The following PCDH15 variants were observed in gnomAD, a reference collection of about 807,000 sequenced individuals.
PCDH15 encodes protocadherin-15.
PCDH15 carries 129 observed loss-of-function variants against 178.5 expected under a neutral mutation model. The ratio of observed to expected loss-of-function variants is 0.72; its 90% CI spans 0.63 to 0.84. The LOEUF (loss-of-function observed/expected upper bound fraction) is 0.84, where lower values mean the gene tolerates loss of function less well. Ranked by LOEUF, PCDH15 falls within the 40% of genes least tolerant of loss-of-function variation. The pLI, the probability that PCDH15 is intolerant of heterozygous loss-of-function variation, is 0.00. For missense variants in PCDH15, 2,230 were observed against 2,099.9 expected (o/e 1.06, Z -1.21); for synonymous variants, 800 against 732.0 (o/e 1.09, Z -1.50).
intron 2 of PCDH15, among the ~76,000 whole-genome samples, chr10:55,036,050 A>G (rs1196753035): frequency 2.6e-5 from 4 of 152,176 alleles, no homozygotes; most frequent in Non-Finnish European, 5.9e-5. Context: ...ATTGAGAGGT[A>G]GAGACTAATG....
chr10:55,152,093 T>C (rs975672807), intron 2 of PCDH15, among the ~76,000 whole-genome samples: 11 of 152,092 alleles, frequency 7.2e-5, no homozygotes, highest in Non-Finnish European at 1.3e-4. Context: ...TATTAGGTTT[T>C]CTTACAATTA....
At chr10:54,697,722 A>AG (rs1487461387) in intron 1 of PCDH15, among the ~76,000 whole-genome samples, 2 of 146,428 alleles carry the variant, frequency 1.4e-5, no homozygotes, top group Non-Finnish European at 3.0e-5. Flanking sequence ...GAAGGGAGGA[A>AG]GGAAGTAAGG....
chr10:55,188,063 G>C (rs1310255299), intron 1 of PCDH15, among the ~76,000 whole-genome samples: 1 of 151,858 alleles, frequency 6.6e-6, no homozygotes, highest in Non-Finnish European at 1.5e-5. Context: ...TACAGGACTT[G>C]GGCTATAACT....
chr10:55,430,977 G>T (rs1838868211), intron 2 of PCDH15, among the ~76,000 whole-genome samples: 1 of 152,094 alleles, frequency 6.6e-6, no homozygotes, highest in South Asian at 2.1e-4. Flanking sequence ...TCTACCTCAG[G>T]ATTAGGCATC....
At chr10:55,159,809 A>T (rs1002465965) in intron 2 of PCDH15, among the ~76,000 whole-genome samples, 31 of 148,900 alleles carry the variant, frequency 2.1e-4, no homozygotes, top group Admixed American at 8.8e-4. Flanking sequence ...TATAATATAT[A>T]TAAAACATAT....
chr10:54,190,805 T>G (rs2133869901), intron 11 of PCDH15, among the ~76,000 whole-genome samples: 1 of 152,302 alleles, frequency 6.6e-6, no homozygotes, highest in East Asian at 1.9e-4. Context: ...ATCCCAGAAA[T>G]GAACTAATTT....
At chr10:55,172,442 G>A (rs1341150801) in intron 1 of PCDH15, among the ~76,000 whole-genome samples, 1 of 148,828 alleles carries the variant, frequency 6.7e-6, no homozygotes, top group African/African-American at 2.5e-5. Context: ...ACAGTGTTTT[G>A]TTCAAAACTA....
At chr10:54,679,990 T>A (rs1446307575) in intron 1 of PCDH15, among the ~76,000 whole-genome samples, 1 of 152,226 alleles carries the variant, frequency 6.6e-6, no homozygotes, top group Non-Finnish European at 1.5e-5. Context: ...TATATTAACA[T>A]ATGTGTATTA....
chr10:54,812,367 T>G lies in PCDH15; in HGVS notation c.-29+85083A>C, dbSNP rs531871247. On this transcript the variant is annotated intron_variant, in intron 3 of 5. Coordinates refer to the PCDH15 transcript ENST00000458638. Reference sequence around the variant, plus strand: ...CTCATTGCAACCTCTGCCTCCTGGGTTCAAGCGATTCTCCTGCCTCAGCCT... The same window carrying G: ...CTCATTGCAACCTCTGCCTCCTGGGGTCAAGCGATTCTCCTGCCTCAGCCT... 3.7e-3 allele frequency among the ~76,000 whole-genome samples: 554 copies of G among 150,760 alleles called. 1 individual carries two copies. Among genetic ancestry groups the G allele is most frequent in the African/African-American group, 0.013 (533 of 40,958 alleles).
intron 3 of PCDH15, among the ~76,000 whole-genome samples, chr10:54,488,412 G>A (rs1489237366): frequency 6.6e-6 from 1 of 151,346 alleles, no homozygotes; most frequent in Non-Finnish European, 1.5e-5. Context: ...TTAGGGCCGT[G>A]TTTGAAAATG....
intron 8 of PCDH15, among the ~76,000 whole-genome samples, chr10:54,305,796 C>T (rs2060431296): frequency 6.6e-6 from 1 of 151,366 alleles, no homozygotes; most frequent in Non-Finnish European, 1.5e-5. Context: ...CTAAAGGAGC[C>T]AGCCATAGGA....
In PCDH15 at chr10:54,738,333, T is replaced by C. The variant is rs181013649; in HGVS notation, c.-29+62592A>G. Among the ~76,000 whole-genome samples the C allele has an allele frequency of 3.3e-3, 500 of 152,172 alleles. 4 individuals are homozygous for C. The highest frequency in any genetic ancestry group is 0.012 in the African/African-American group (487 of 41,534). ...TAAACAGAGATATGGAAATAAATAG[T>C]TTCCAAAAGACACATCTAGCATAAT... On this transcript the variant is annotated intron_variant, in intron 1 of 37. Coordinates refer to ENST00000644397, the MANE Select transcript of PCDH15 (RefSeq NM_001384140.1).
intron 3 of PCDH15, among the ~76,000 whole-genome samples, chr10:54,493,871 T>C (rs937979654): frequency 3.3e-5 from 5 of 151,920 alleles, no homozygotes; most frequent in Non-Finnish European, 5.9e-5. Flanking sequence ...ATTAAGAAAA[T>C]GTGGCACATA....
intron 25 of PCDH15, among the ~76,000 whole-genome samples, chr10:53,924,624 T>C (rs569199373): frequency 1.3e-5 from 2 of 152,334 alleles, no homozygotes; most frequent in East Asian, 3.9e-4. Flanking sequence ...ATCCACTAGG[T>C]GAAGCCAGCT....
intron 2 of PCDH15, among the ~76,000 whole-genome samples, chr10:54,617,693 T>G (rs1232655480): frequency 6.9e-6 from 1 of 144,478 alleles, no homozygotes; most frequent in Non-Finnish European, 1.5e-5. Context: ...GGTGGGAGGA[T>G]CACAAGGTCA....
intron 2 of PCDH15, among the ~76,000 whole-genome samples, chr10:55,163,840 T>C (rs1839124008): frequency 6.6e-6 from 1 of 152,134 alleles, no homozygotes; most frequent in African/African-American, 2.4e-5. Context: ...GCCCGCCCCT[T>C]TCCTGGAACA....
At chr10:54,720,640 C>T (rs11004492) in intron 1 of PCDH15, among the ~76,000 whole-genome samples, 1 of 152,022 alleles carries the variant, frequency 6.6e-6, no homozygotes, top group African/African-American at 2.4e-5. Flanking sequence ...TTACAAGAAA[C>T]TTTCAGTACA....
intron 14 of PCDH15, among the ~76,000 whole-genome samples, chr10:54,143,047 C>T (rs2043553614): frequency 6.6e-6 from 1 of 152,102 alleles, no homozygotes; most frequent in African/African-American, 2.4e-5. Context: ...TAAATTCAGT[C>T]TTTGTGAACT....
chr10:53,980,872 G>C (rs1249672564), intron 21 of PCDH15, among the ~76,000 whole-genome samples: 1 of 151,982 alleles, frequency 6.6e-6, no homozygotes, highest in Non-Finnish European at 1.5e-5. Context: ...ATTTTTTTTG[G>C]TTCATGATTT....
Sources: gnomAD v4.1 joint callset for allele counts (sites outside exome capture counted in the v4.1 genomes callset) on GRCh38, gnomAD v4.1.1 for gene constraint, MANE v1.5 for transcripts, NCBI Gene and HGNC (gene_info 2026-07-23, HGNC 2026-07-21) for gene names.